Variants in MAN1A1 observed in about 807,000 individuals in gnomAD.
The protein encoded by MAN1A1 is mannosyl-oligosaccharide 1,2-alpha-mannosidase IA.
Under a neutral mutation model 70.8 loss-of-function variants are expected in MAN1A1, and 29 were observed. The observed-to-expected ratio is 0.41, with a 90% CI of 0.31 to 0.56. MAN1A1 has a LOEUF of 0.56. Ranked by LOEUF, MAN1A1 falls within the 20% of genes least tolerant of loss-of-function variation. The pLI is 0.29. For synonymous variants in MAN1A1, 349 were observed against 330.1 expected (o/e 1.06, Z -0.62); for missense variants, 747 against 841.3 (o/e 0.89, Z 1.39).
chr6:119,311,464 C>T (rs1772699022), intron 2 of MAN1A1, among the ~76,000 whole-genome samples: 1 of 152,146 alleles, frequency 6.6e-6, no homozygotes, highest in African/African-American at 2.4e-5. Flanking sequence ...TAATCTTTAG[C>T]TATGCAGGTT....
At chr6:119,325,610 T>C (rs1460166260) in intron 2 of MAN1A1, among the ~76,000 whole-genome samples, 1 of 151,988 alleles carries the variant, frequency 6.6e-6, no homozygotes. Context: ...TGAGTTGAGA[T>C]TGCACCACTG....
At chr6:119,304,241 G>A (rs912240033) in intron 3 of MAN1A1, among the ~76,000 whole-genome samples, 3 of 152,186 alleles carry the variant, frequency 2.0e-5, no homozygotes, top group Middle Eastern at 3.4e-3. Flanking sequence ...GAAACCTGAA[G>A]ACCCTTGCAT....
intron 5 of MAN1A1, among the ~76,000 whole-genome samples, chr6:119,268,313 C>T (rs1170986757): frequency 3.3e-5 from 5 of 152,140 alleles, no homozygotes; most frequent in African/African-American, 9.7e-5. Flanking sequence ...TTATTTGATT[C>T]GGACCACAAA....
chr6:119,335,123 G>T (rs1773419383), intron 2 of MAN1A1, among the ~76,000 whole-genome samples: 1 of 152,132 alleles, frequency 6.6e-6, no homozygotes. Flanking sequence ...CAACTAAAAG[G>T]GGAGGCAACA....
At chr6:119,311,819 ACC>A (rs1480773199) in intron 2 of MAN1A1, among the ~76,000 whole-genome samples, 1 of 152,118 alleles carries the variant, frequency 6.6e-6, no homozygotes, top group African/African-American at 2.4e-5. Flanking sequence ...GTGTCTTAAA[ACC>A]ACAAAGCTCT....
chr6:119,215,064 G>A (rs1774162494), intron 6 of MAN1A1, among the ~76,000 whole-genome samples: 1 of 151,920 alleles, frequency 6.6e-6, no homozygotes, highest in Non-Finnish European at 1.5e-5. Flanking sequence ...TGGGGGGAAG[G>A]GGGAAGGATA....
chr6:119,319,610 G>T (rs542095633), intron 2 of MAN1A1, among the ~76,000 whole-genome samples: 2 of 152,060 alleles, frequency 1.3e-5, no homozygotes, highest in Non-Finnish European at 2.9e-5. Context: ...GTCAGCAGAG[G>T]TGAAATTGTT....
chr6:119,348,549 G>T lies in MAN1A1; in HGVS notation c.517C>A (p.Pro173Thr). 1 of 1,613,348 alleles carries T rather than the reference G, an allele frequency of 6.2e-7. No individual in the cohort carries two copies. Among genetic ancestry groups the T allele is most frequent in the Non-Finnish European group, 8.5e-7 (1 of 1,179,694 alleles). Residue 173 changes from proline to threonine, a missense_variant, in exon 2 of 13, where the codon CCG (proline) becomes ACG (threonine). Physicochemically the swap from Pro to Thr is conservative, Grantham distance 38 (BLOSUM62 -1). Coordinates refer to ENST00000368468, the MANE Select transcript of MAN1A1 (RefSeq NM_005907.4). ...RDKAPFRGLP[P>T]VDFVPPIGVE... is the part of the protein sequence containing the mutation. ...CCGATTGGGGGCACGAAGTCCACCG[G>T]GGGCAGGCCTCTGAACGGCGCCTTG...
chr6:119,199,490 C>A (rs147265518), intron 8 of MAN1A1, among the ~76,000 whole-genome samples: 1 of 152,016 alleles, frequency 6.6e-6, no homozygotes. Flanking sequence ...TTTCACCTCA[C>A]AGAACATGAC....
At chr6:119,328,549 G>C (rs1773219718) in intron 2 of MAN1A1, among the ~76,000 whole-genome samples, 1 of 152,188 alleles carries the variant, frequency 6.6e-6, no homozygotes, top group East Asian at 1.9e-4. Context: ...CATAAAAACA[G>C]AGAAAAATAA....
chr6:119,282,923 T>C (rs977774219), intron 5 of MAN1A1, among the ~76,000 whole-genome samples: 6 of 152,216 alleles, frequency 3.9e-5, no homozygotes, highest in Non-Finnish European at 8.8e-5. Flanking sequence ...TTACTTCTTA[T>C]AATTTCTTCT....
At chr6:119,242,245 C>T (rs1384734802) in intron 6 of MAN1A1, among the ~76,000 whole-genome samples, 1 of 152,076 alleles carries the variant, frequency 6.6e-6, no homozygotes, top group Non-Finnish European at 1.5e-5. Flanking sequence ...CTTTTAAAAC[C>T]TAATCGGCTG....
In MAN1A1 at chr6:119,309,602, A is replaced by G. The variant is rs191847024; in HGVS notation, c.604-2610T>C. ...GGTTCTAAAGCCTGACATTCCACGT[A>G]GAAGTAAAATGGGCCCAAATTTCAA... On this transcript the variant is annotated intron_variant, in intron 2 of 12. Coordinates refer to ENST00000368468, the MANE Select transcript of MAN1A1 (RefSeq NM_005907.4). Among the ~76,000 whole-genome samples, 893 of 152,282 alleles carry G rather than the reference A, an allele frequency of 5.9e-3. 28 individuals carry two copies. In the East Asian group the frequency reaches 0.09, roughly 15 times the overall value.
intron 6 of MAN1A1, among the ~76,000 whole-genome samples, chr6:119,224,429 G>C (rs117040577): frequency 0.028 from 4,260 of 152,262 alleles, 94 homozygotes; most frequent in Non-Finnish European, 0.045. Context: ...AAGATCCCCA[G>C]GGTGCCAGGT....
At chr6:119,329,131 C>T (rs965651879) in intron 2 of MAN1A1, among the ~76,000 whole-genome samples, 5 of 152,170 alleles carry the variant, frequency 3.3e-5, no homozygotes, top group African/African-American at 4.8e-5. Context: ...TACTCCACCC[C>T]CCTGGCCATA....
chr6:119,216,893 T>G (rs924850035), intron 6 of MAN1A1, among the ~76,000 whole-genome samples: 1 of 152,216 alleles, frequency 6.6e-6, no homozygotes, highest in African/African-American at 2.4e-5. Context: ...ATCCTGGTGC[T>G]CTGCCTAATT....
At chr6:119,190,693 A>G (rs1195044719) in intron 9 of MAN1A1, among the ~76,000 whole-genome samples, 1 of 152,200 alleles carries the variant, frequency 6.6e-6, no homozygotes, top group Non-Finnish European at 1.5e-5. Context: ...AAATCAGAAA[A>G]ATCTTTAAAT....
At chr6:119,288,675 GAATA>G (rs1441063514) in intron 5 of MAN1A1, among the ~76,000 whole-genome samples, 1 of 151,496 alleles carries the variant, frequency 6.6e-6, no homozygotes, top group African/African-American at 2.4e-5. Flanking sequence ...CCACTTCAGA[GAATA>G]AATATTCATT....
intron 10 of MAN1A1, among the ~76,000 whole-genome samples, chr6:119,189,258 C>T (rs1270000780): frequency 6.6e-6 from 1 of 152,130 alleles, no homozygotes; most frequent in African/African-American, 2.4e-5. Context: ...CAGTTATTTA[C>T]ACTTTGTGTT....
Sources: gnomAD v4.1 joint callset for allele counts (sites outside exome capture counted in the v4.1 genomes callset) on GRCh38, gnomAD v4.1.1 for gene constraint, MANE v1.5 for transcripts, NCBI Gene and HGNC (gene_info 2026-07-23, HGNC 2026-07-21) for gene names.